CUBN: variants seen among roughly 807,000 people sequenced by gnomAD.
CUBN encodes the protein cubilin.
A neutral mutation model predicts 405.3 loss-of-function variants in CUBN; 282 were observed. The observed-to-expected ratio is 0.70, with a 90% CI of 0.63 to 0.77. The LOEUF (loss-of-function observed/expected upper bound fraction) is 0.77, where lower values mean the gene tolerates loss of function less well. Ranked by LOEUF, CUBN falls within the 30% of genes least tolerant of loss-of-function variation. The pLI, the probability that CUBN is intolerant of heterozygous loss-of-function variation, is 0.00. For synonymous variants in CUBN, 1,684 were observed against 1,617.0 expected (o/e 1.04, Z -0.99); for missense variants, 4,514 against 4,475.2 (o/e 1.01, Z -0.25).
Position 17,068,022 on chromosome 10 carries a change from G to A in CUBN, c.3008+42C>T, listed in dbSNP as rs367930581. Reference sequence around the variant, plus strand: ...GATCCTTCACTGAAGCAGGAAATCAGTGAAGTTTTATTGTTAAACAAACAA... The same window carrying A: ...GATCCTTCACTGAAGCAGGAAATCAATGAAGTTTTATTGTTAAACAAACAA... On this transcript the variant is annotated intron_variant, in intron 21 of 66. Transcript: ENST00000377833. 29 of 1,498,962 alleles carry A rather than the reference G, an allele frequency of 1.9e-5. No individual in the cohort carries two copies. The African/African-American group carries it at 2.9e-4, about 15-fold the overall frequency. The allele number at this position is 1,498,962 out of a possible 1,614,324, so 92.9% of individuals were successfully genotyped here. A position where few individuals can be genotyped will look rare whatever the true frequency, so the allele number is the denominator to read the frequency against.
intron 57 of CUBN, among the ~76,000 whole-genome samples, chr10:16,876,499 A>G (rs1840505913): frequency 6.6e-6 from 1 of 152,128 alleles, no homozygotes; most frequent in Admixed American, 6.6e-5. Context: ...ATTCTCTTAT[A>G]TTTCTTCTAA....
At chr10:17,076,658 T>C (rs1375636795) in intron 17 of CUBN, among the ~76,000 whole-genome samples, 1 of 152,200 alleles carries the variant, frequency 6.6e-6, no homozygotes, top group East Asian at 1.9e-4. Flanking sequence ...CCATTGACTA[T>C]GGGCTTAGCC....
At chr10:17,035,510 G>C (rs1834876471) in intron 27 of CUBN, among the ~76,000 whole-genome samples, 1 of 152,134 alleles carries the variant, frequency 6.6e-6, no homozygotes, top group Non-Finnish European at 1.5e-5. Context: ...GAAGATAAAA[G>C]AGTCAACTCT....
intron 52 of CUBN, among the ~76,000 whole-genome samples, 158 bp downstream of exon 52, chr10:16,901,180 T>C (rs1026259346): frequency 6.6e-6 from 1 of 152,236 alleles, no homozygotes; most frequent in African/African-American, 2.4e-5. Context: ...CCAATGTATG[T>C]GCTCTAGTGA....
chr10:16,987,680 T>C (rs1309248725), intron 29 of CUBN, among the ~76,000 whole-genome samples: 2 of 152,174 alleles, frequency 1.3e-5, no homozygotes, highest in South Asian at 2.1e-4. Context: ...TTAGATCACA[T>C]GCCCATCATG....
At chr10:16,926,563 G>A (rs1842193569) in intron 41 of CUBN, among the ~76,000 whole-genome samples, 1 of 152,104 alleles carries the variant, frequency 6.6e-6, no homozygotes, top group South Asian at 2.1e-4. Context: ...GGCTAGGCTG[G>A]TAGCAACAGA....
chr10:17,024,744 A>T (rs978831326), intron 27 of CUBN, among the ~76,000 whole-genome samples: 2 of 151,990 alleles, frequency 1.3e-5, no homozygotes, highest in African/African-American at 4.8e-5. Flanking sequence ...GGGCTCAAGC[A>T]ATCTGCCCAC....
intron 22 of CUBN, among the ~76,000 whole-genome samples, chr10:17,058,258 A>ATTT (rs1412638489): frequency 1.3e-5 from 2 of 152,148 alleles, no homozygotes; most frequent in Non-Finnish European, 2.9e-5. Context: ...GAGGAAACTA[A>ATTT]TAAAAGGAAC....
At chr10:17,108,758 A>T (rs1836698139) in intron 10 of CUBN, among the ~76,000 whole-genome samples, 1 of 152,164 alleles carries the variant, frequency 6.6e-6, no homozygotes, top group Admixed American at 6.5e-5. Flanking sequence ...AAAATTCTAA[A>T]CTTCTGAATA....
At chr10:17,129,611 C>A (rs1837273022) in intron 1 of CUBN, 33 bp downstream of exon 1, 1 of 1,613,952 alleles carries the variant, frequency 6.2e-7, no homozygotes, top group Non-Finnish European at 8.5e-7. Flanking sequence ...TTAGCCTAGT[C>A]CCTGAGCAGG....
intron 28 of CUBN, among the ~76,000 whole-genome samples, chr10:17,007,756 T>C (rs551776986): frequency 6.6e-6 from 1 of 152,326 alleles, no homozygotes; most frequent in East Asian, 1.9e-4. Context: ...GGGGCTGTCC[T>C]GAGCCCTCCA....
At chr10:17,040,528 TACAG>T (rs1834995684) in intron 27 of CUBN, among the ~76,000 whole-genome samples, 1 of 152,168 alleles carries the variant, frequency 6.6e-6, no homozygotes, top group African/African-American at 2.4e-5. Context: ...TGAAATTGCA[TACAG>T]ACAGTTGAAT....
chr10:17,122,431 T>C (rs1837063940), intron 6 of CUBN: 1 of 368,642 alleles, frequency 2.7e-6, no homozygotes, highest in African/African-American at 2.1e-5. Flanking sequence ...TGTGGTGGGG[T>C]GTCCCCTTTT....
chr10:16,945,436 T>C (rs1842750442), intron 36 of CUBN, among the ~76,000 whole-genome samples: 1 of 152,058 alleles, frequency 6.6e-6, no homozygotes, highest in Admixed American at 6.6e-5. Context: ...AGTATATAGA[T>C]TTCTTCCCAT....
intron 41 of CUBN, 80 bp downstream of exon 41, chr10:16,928,077 T>G: frequency 2.7e-6 from 4 of 1,502,316 alleles, no homozygotes; most frequent in Non-Finnish European, 3.7e-6. Context: ...CCCAAAAACA[T>G]TATATTAGGA....
At chr10:17,109,272 G>A (rs565425881) in intron 10 of CUBN, among the ~76,000 whole-genome samples, 1 of 152,266 alleles carries the variant, frequency 6.6e-6, no homozygotes, top group Admixed American at 6.5e-5. Context: ...GAAATATAGA[G>A]TGTACTTCCC....
chr10:16,869,595 A>C, intron 59 of CUBN, 41 bp downstream of exon 59: 1 of 1,367,342 alleles, frequency 7.3e-7, no homozygotes, highest in Non-Finnish European at 1.0e-6. Context: ...GCAGAAAGGT[A>C]ACAGTCCTGA....
chr10:17,057,680 A>T (rs1261781948), intron 22 of CUBN, among the ~76,000 whole-genome samples: 1 of 152,052 alleles, frequency 6.6e-6, no homozygotes, highest in African/African-American at 2.4e-5. Flanking sequence ...ATAGCTAAAA[A>T]CTGGGAAAAA....
intron 14 of CUBN, among the ~76,000 whole-genome samples, chr10:17,093,352 G>T (rs1354195890): frequency 6.6e-6 from 1 of 152,112 alleles, no homozygotes; most frequent in Non-Finnish European, 1.5e-5. Context: ...ATACTGAAGG[G>T]ATGTGTTGCC....
Sources: gnomAD v4.1 joint callset for allele counts (sites outside exome capture counted in the v4.1 genomes callset) on GRCh38, gnomAD v4.1.1 for gene constraint, MANE v1.5 for transcripts, NCBI Gene and HGNC (gene_info 2026-07-23, HGNC 2026-07-21) for gene names.